The following NLGN4Y variants were observed in gnomAD, a reference collection of about 807,000 sequenced individuals.
NLGN4Y encodes neuroligin 4 Y-linked.
Under a neutral mutation model 8.4 loss-of-function variants are expected in NLGN4Y, and 4 were observed. The ratio of observed to expected loss-of-function variants is 0.48; its 90% CI spans 0.23 to 1.09. The LOEUF (loss-of-function observed/expected upper bound fraction) is 1.09, where lower values mean the gene tolerates loss of function less well. Among genes scored for constraint, NLGN4Y ranks in the 50% least tolerant of loss-of-function variants. The pLI is 0.19. For missense variants in NLGN4Y, 90 were observed against 192.3 expected, an observed-to-expected ratio of 0.47 and a Z score of 3.15; for synonymous variants, 35 against 75.6, an observed-to-expected ratio of 0.46 and a Z score of 2.78.
chrY:14,759,076 C>G (rs1003346866), intron 4 of NLGN4Y, among the ~76,000 whole-genome samples: 5 of 33,173 alleles, frequency 1.5e-4, no homozygotes, highest in Admixed American at 1.1e-3. Flanking sequence ...CTTATTAGCA[C>G]TCCATTATCT....
intron 4 of NLGN4Y, among the ~76,000 whole-genome samples, chrY:14,768,842 G>A (rs774475575): frequency 8.3e-4 from 28 of 33,541 alleles, no homozygotes; most frequent in Middle Eastern, 0.014. Flanking sequence ...AACTTACAGC[G>A]GTAAACACGA....
intron 1 of NLGN4Y, among the ~76,000 whole-genome samples, chrY:14,551,010 C>A: frequency 9.1e-5 from 3 of 33,139 alleles, no homozygotes; most frequent in African/African-American, 3.5e-4. Context: ...TCAGATATAC[C>A]AGTCAAACAT....
intron 4 of NLGN4Y, among the ~76,000 whole-genome samples, chrY:14,815,650 G>A: frequency 3.0e-5 from 1 of 33,309 alleles, no homozygotes; most frequent in Non-Finnish European, 7.4e-5. Flanking sequence ...TGGTTACAGG[G>A]CCATATATGG....
At chrY:14,582,221 A>T (rs2080321666) in intron 1 of NLGN4Y, among the ~76,000 whole-genome samples, 1 of 33,682 alleles carries the variant, frequency 3.0e-5, no homozygotes, top group African/African-American at 1.2e-4. Flanking sequence ...ACCCTCTGAG[A>T]GAGGACAGTC....
At chrY:14,536,090 C>A (rs2080131444) in intron 1 of NLGN4Y, among the ~76,000 whole-genome samples, 1 of 32,314 alleles carries the variant, frequency 3.1e-5, no homozygotes, top group Admixed American at 2.9e-4. Flanking sequence ...ATAAAAAATT[C>A]TTTCTTTCTA....
intron 1 of NLGN4Y, among the ~76,000 whole-genome samples, chrY:14,582,173 C>G: frequency 3.0e-5 from 1 of 33,399 alleles, no homozygotes; most frequent in Non-Finnish European, 7.4e-5. Flanking sequence ...GGGACCCTCC[C>G]TCTGACCTGG....
chrY:14,541,606 C>T, intron 1 of NLGN4Y, among the ~76,000 whole-genome samples: 1 of 33,983 alleles, frequency 2.9e-5, no homozygotes, highest in Non-Finnish European at 7.3e-5. Context: ...TAGCACATCT[C>T]TCTTCAGAAA....
At chrY:14,656,243 G>A in intron 2 of NLGN4Y, among the ~76,000 whole-genome samples, 1 of 32,877 alleles carries the variant, frequency 3.0e-5, no homozygotes, top group Non-Finnish European at 7.5e-5. Flanking sequence ...TCATGGAGTG[G>A]TAGAAACCCA....
intron 4 of NLGN4Y, among the ~76,000 whole-genome samples, chrY:14,814,825 C>A: frequency 3.0e-5 from 1 of 33,416 alleles, no homozygotes; most frequent in African/African-American, 1.2e-4. Context: ...CTGAGAAATA[C>A]TTTTAGAGTG....
At chrY:14,795,015 C>T (rs762869081) in intron 4 of NLGN4Y, among the ~76,000 whole-genome samples, 16 of 33,393 alleles carry the variant, frequency 4.8e-4, no homozygotes, top group African/African-American at 1.9e-3. Flanking sequence ...GCTGCCACTA[C>T]AGGCGTTCAC....
At chrY:14,674,889 G>A (rs983817211) in intron 2 of NLGN4Y, among the ~76,000 whole-genome samples, 1 of 33,588 alleles carries the variant, frequency 3.0e-5, no homozygotes, top group Non-Finnish European at 7.4e-5. Flanking sequence ...TACAGTCGGA[G>A]TTTGCTAGGA....
intron 3 of NLGN4Y, among the ~76,000 whole-genome samples, chrY:14,720,116 T>C: frequency 3.0e-5 from 1 of 33,712 alleles, no homozygotes; most frequent in African/African-American, 1.1e-4. Flanking sequence ...GCCCTGATTC[T>C]TTCAGTACTG....
chrY:14,765,143 T>TA (rs2081090314), intron 4 of NLGN4Y, among the ~76,000 whole-genome samples: 1 of 33,622 alleles, frequency 3.0e-5, no homozygotes, highest in Admixed American at 2.7e-4. Flanking sequence ...CAGAACTTGT[T>TA]ATCTTGAGTC....
intron 2 of NLGN4Y, among the ~76,000 whole-genome samples, chrY:14,705,628 C>G (rs778798376): frequency 7.7e-4 from 26 of 33,598 alleles, no homozygotes; most frequent in African/African-American, 3.0e-3. Flanking sequence ...TGGCAGTTCT[C>G]TTTACTGTCT....
At chrY:14,562,128 C>A in intron 1 of NLGN4Y, among the ~76,000 whole-genome samples, 2 of 33,484 alleles carry the variant, frequency 6.0e-5, no homozygotes, top group African/African-American at 2.3e-4. Flanking sequence ...GGGTTTTGGA[C>A]ATGAAGTCTT....
At chrY:14,647,996 A>G in intron 2 of NLGN4Y, among the ~76,000 whole-genome samples, 3 of 34,750 alleles carry the variant, frequency 8.6e-5, no homozygotes, top group Non-Finnish European at 2.2e-4. Flanking sequence ...TTTTTCCTGC[A>G]AGATTAACAT....
chrY:14,585,484 A>C (rs2080336814), intron 1 of NLGN4Y, among the ~76,000 whole-genome samples: 1 of 33,134 alleles, frequency 3.0e-5, no homozygotes, highest in African/African-American at 1.2e-4. Flanking sequence ...ACCAAAAAAA[A>C]CCTGCATGTG....
At chrY:14,675,001 T>G in intron 2 of NLGN4Y, among the ~76,000 whole-genome samples, 1 of 33,543 alleles carries the variant, frequency 3.0e-5, no homozygotes, top group Non-Finnish European at 7.4e-5. Context: ...TGAACCCATC[T>G]TTTAGTGTGA....
chrY:14,744,556 G>A (rs777561143), intron 4 of NLGN4Y, among the ~76,000 whole-genome samples: 32 of 33,437 alleles, frequency 9.6e-4, no homozygotes, highest in African/African-American at 3.4e-3. Context: ...AGCCCAGTGC[G>A]CTCTTAGTTC....
Sources: allele counts gnomAD v4.1 joint callset (sites outside exome capture counted in the v4.1 genomes callset), GRCh38; gene constraint gnomAD v4.1.1; transcripts MANE v1.5; gene names NCBI Gene and HGNC (gene_info 2026-07-23, HGNC 2026-07-21).